Variants in PTPRM observed in about 807,000 individuals in gnomAD.
The protein encoded by PTPRM is protein tyrosine phosphatase receptor type M.
In PTPRM, 47 loss-of-function variants were observed where a neutral mutation model predicts 186.7. That is an observed-to-expected ratio of 0.25 (90% CI 0.20 to 0.32). PTPRM has a LOEUF of 0.32. PTPRM is among the 10% of genes least tolerant of loss of function. PTPRM has a pLI of 1.00. For synonymous variants in PTPRM, 668 were observed against 674.9 expected (o/e 0.99, Z 0.16); for missense variants, 1,494 against 1,865.0 (o/e 0.80, Z 3.66).
At chr18:7,795,815 T>C (rs1421843779) in intron 2 of PTPRM, among the ~76,000 whole-genome samples, 1 of 148,682 alleles carries the variant, frequency 6.7e-6, no homozygotes, top group African/African-American at 2.5e-5. Context: ...TCTTTCTTTT[T>C]TTTTTTTTTT....
At chr18:7,658,351 TATATATATACATAC>T (rs1568010768) in intron 1 of PTPRM, among the ~76,000 whole-genome samples, 1 of 133,832 alleles carries the variant, frequency 7.5e-6, no homozygotes, top group African/African-American at 3.1e-5. Flanking sequence ...TATATATATA[TATATATATACATAC>T]ACACACACAC....
intron 1 of PTPRM, among the ~76,000 whole-genome samples, chr18:7,619,712 G>A (rs1264786036): frequency 6.6e-6 from 1 of 152,172 alleles, no homozygotes; most frequent in Non-Finnish European, 1.5e-5. Flanking sequence ...CAGGTGGGCA[G>A]CAGGTGTTGG....
chr18:7,708,692 G>A (rs993532607), intron 1 of PTPRM, among the ~76,000 whole-genome samples: 2 of 152,046 alleles, frequency 1.3e-5, no homozygotes, highest in African/African-American at 4.8e-5. Context: ...ATACTTTAAA[G>A]CTTAAATTAT....
intron 5 of PTPRM, among the ~76,000 whole-genome samples, chr18:7,927,679 C>T (rs147436697): frequency 2.5e-4 from 38 of 152,180 alleles, no homozygotes; most frequent in African/African-American, 7.9e-4. Context: ...TTGGAGACTC[C>T]GTGTGACACT....
chr18:8,020,071 A>G (rs1436150048), intron 7 of PTPRM, among the ~76,000 whole-genome samples: 1 of 152,168 alleles, frequency 6.6e-6, no homozygotes, highest in Non-Finnish European at 1.5e-5. Context: ...GCCTGTTAGT[A>G]TATATGAATC....
rs147937901 is a variant in PTPRM at position 7,991,598 on chromosome 18, G to C, written c.1132+36184G>C. ...TAATTTTCCTGAATGAAAGGAACCA[G>C]CTGCACCAAGCAGATTTATATTTTC... is the stretch of plus-strand genomic sequence containing the variant. On this transcript the variant is annotated intron_variant, in intron 7 of 32. Transcript: ENST00000580170. Among the ~76,000 whole-genome samples the C allele has an allele frequency of 3.1e-3, 475 of 152,240 alleles. 3 individuals are homozygous for C. The highest frequency in any genetic ancestry group is 0.011 in the African/African-American group (462 of 41,542).
At chr18:7,604,286 C>T (rs529851987) in intron 1 of PTPRM, among the ~76,000 whole-genome samples, 3 of 152,280 alleles carry the variant, frequency 2.0e-5, no homozygotes, top group Admixed American at 6.5e-5. Context: ...TGAGACACAG[C>T]GGCTGCCTGG....
intron 1 of PTPRM, among the ~76,000 whole-genome samples, chr18:7,608,184 A>C (rs981914806): frequency 3.3e-5 from 5 of 152,344 alleles, no homozygotes; most frequent in Admixed American, 2.0e-4. Context: ...CAGGATAGAC[A>C]TACCTTGAGA....
intron 13 of PTPRM, among the ~76,000 whole-genome samples, chr18:8,140,135 C>T (rs1156508131): frequency 6.6e-6 from 1 of 152,164 alleles, no homozygotes; most frequent in Non-Finnish European, 1.5e-5. Context: ...GAAAGCTTCC[C>T]GTTCACTCGG....
intron 1 of PTPRM, among the ~76,000 whole-genome samples, chr18:7,673,998 TGAA>T (rs1398282378): frequency 2.0e-5 from 3 of 152,126 alleles, no homozygotes; most frequent in African/African-American, 4.8e-5. Flanking sequence ...AGTTTCATCA[TGAA>T]GAAGCTGAGG....
intron 14 of PTPRM, among the ~76,000 whole-genome samples, chr18:8,208,096 G>C (rs956499151): frequency 6.6e-6 from 1 of 152,202 alleles, no homozygotes; most frequent in African/African-American, 2.4e-5. Context: ...CAAAGGATGG[G>C]CATGGTCAGC....
At position 7,645,401 on chromosome 18, in the gene PTPRM, G is replaced by C. The variant is rs79541037; in HGVS notation, c.73+77510G>C. On this transcript the variant is annotated intron_variant, in intron 1 of 32. Coordinates refer to ENST00000580170, the MANE Select transcript of PTPRM (RefSeq NM_001105244.2). ...GTGTTTAGAAATGAATTTGATTCAT[G>C]ACCCACCTATTTTGTCAAAATGGTA... Among the ~76,000 whole-genome samples the C allele has an allele frequency of 3.9e-4, 60 of 152,200 alleles. No homozygotes were observed. In the East Asian group the frequency reaches 0.011, roughly 29 times the overall value.
intron 23 of PTPRM, among the ~76,000 whole-genome samples, chr18:8,344,803 A>C (rs568420819): frequency 6.6e-6 from 1 of 152,092 alleles, no homozygotes; most frequent in East Asian, 1.9e-4. Flanking sequence ...GAGGGCAGGA[A>C]ATAATGTGGA....
intron 20 of PTPRM, among the ~76,000 whole-genome samples, chr18:8,296,689 A>G (rs1427022785): frequency 1.3e-5 from 2 of 152,196 alleles, no homozygotes. Context: ...TGGGTAACAC[A>G]GGTAACGTTA....
intron 20 of PTPRM, among the ~76,000 whole-genome samples, chr18:8,311,985 G>A (rs1249225492): frequency 6.6e-6 from 1 of 152,198 alleles, no homozygotes; most frequent in Non-Finnish European, 1.5e-5. Flanking sequence ...GGGTACAACA[G>A]ATCTTCGAGA....
At chr18:7,853,520 A>G (rs2046961615) in intron 2 of PTPRM, among the ~76,000 whole-genome samples, 1 of 152,234 alleles carries the variant, frequency 6.6e-6, no homozygotes, top group Middle Eastern at 3.2e-3. Flanking sequence ...CATACCAGGA[A>G]GAGTAAGAAT....
intron 14 of PTPRM, among the ~76,000 whole-genome samples, chr18:8,195,532 T>C (rs2093765995): frequency 6.6e-6 from 1 of 152,256 alleles, no homozygotes; most frequent in South Asian, 2.1e-4. Flanking sequence ...GTATGGTATC[T>C]GTACACTATG....
At chr18:8,289,512 A>ATT (rs2095004106) in intron 19 of PTPRM, among the ~76,000 whole-genome samples, 1 of 98,938 alleles carries the variant, frequency 1.0e-5, no homozygotes, top group African/African-American at 4.2e-5. Flanking sequence ...ATGTGTGTGT[A>ATT]TGTATATATA....
intron 1 of PTPRM, among the ~76,000 whole-genome samples, chr18:7,770,970 C>G (rs638237): frequency 0.67 from 101,349 of 151,710 alleles, 35,589 homozygotes; most frequent in East Asian, 0.98. Context: ...TCATAAGTCC[C>G]GAAAGAACCA....
Sources: allele counts gnomAD v4.1 joint callset (sites outside exome capture counted in the v4.1 genomes callset), GRCh38; gene constraint gnomAD v4.1.1; transcripts MANE v1.5; gene names NCBI Gene and HGNC (gene_info 2026-07-23, HGNC 2026-07-21).